Variants in HIPK1 observed in about 807,000 individuals in gnomAD.
The protein encoded by HIPK1 is homeodomain interacting protein kinase 1.
In HIPK1, 28 loss-of-function variants were observed where a neutral mutation model predicts 117.1. The ratio of observed to expected loss-of-function variants is 0.24; its 90% CI spans 0.18 to 0.33. HIPK1 has a LOEUF of 0.33. Ranked by LOEUF, HIPK1 falls within the 10% of genes least tolerant of loss-of-function variation. The probability of loss-of-function intolerance (pLI) is 1.00; values close to 1 mark genes in which losing one functional copy is unlikely to be tolerated. For missense variants in HIPK1, 1,122 were observed against 1,475.1 expected (o/e 0.76, Z 3.92); for synonymous variants, 605 against 562.5 (o/e 1.08, Z -1.07).
At position 113,929,353 on chromosome 1, in the gene HIPK1, G is replaced by A; in HGVS notation, c.-182G>A. On this transcript the variant is annotated 5_prime_UTR_variant, in exon 1 of 16. Coordinates refer to ENST00000426820, the MANE Select transcript of HIPK1 (RefSeq NM_198268.3). Reference sequence around the variant, plus strand: ...TTTTACAGTTGGATCCCGTACCACCGCCAGGCACCTTTAAATCACCGCAGA... The same window carrying A: ...TTTTACAGTTGGATCCCGTACCACCACCAGGCACCTTTAAATCACCGCAGA... 2 of 1,289,476 alleles carry A rather than the reference G, an allele frequency of 1.6e-6. No homozygotes were observed. Among genetic ancestry groups the A allele is most frequent in the Non-Finnish European group, 2.0e-6 (2 of 988,864 alleles). The allele number at this position is 1,289,476 out of a possible 1,614,324, so 79.9% of individuals were successfully genotyped here. A position where few individuals can be genotyped will look rare whatever the true frequency, so the allele number is the denominator to read the frequency against.
At chr1:113,951,321 T>G in intron 2 of HIPK1, 1 of 963,430 alleles carries the variant, frequency 1.0e-6, no homozygotes, top group Non-Finnish European at 1.2e-6. Flanking sequence ...TGAGAAACAG[T>G]GTAATATATA....
intron 2 of HIPK1, among the ~76,000 whole-genome samples, chr1:113,944,605 T>TC (rs1346975001): frequency 2.0e-5 from 3 of 151,484 alleles, no homozygotes; most frequent in Non-Finnish European, 2.9e-5. Flanking sequence ...TAGCTTGGCC[T>TC]CCTGAGTAGC....
rs921140744 is a variant in HIPK1 at position 113,977,027 on chromosome 1, C to G, written c.*3515C>G. On this transcript the variant is annotated 3_prime_UTR_variant, in exon 16 of 16. Coordinates refer to ENST00000426820, the MANE Select transcript of HIPK1 (RefSeq NM_198268.3). The stretch of plus-strand genomic sequence containing the variant: ...AGAACTCCATTTCAAACAGTTCTGG[C>G]CATTCTGAGCCTGCTTTTGTGATTG... The G allele has an allele frequency of 4.6e-5, 7 of 152,810 alleles. No individual in the cohort carries two copies. The East Asian group carries it at 1.3e-3, about 29-fold the overall frequency. The allele number at this position is 152,810 out of a possible 1,614,324, so 9.5% of individuals were successfully genotyped here.
At position 113,964,874 on chromosome 1, in the gene HIPK1, T is replaced by C. The variant is rs146524756; in HGVS notation, c.2239-1256T>C. On this transcript the variant is annotated intron_variant, in intron 10 of 15. Transcript: ENST00000426820. The stretch of plus-strand genomic sequence containing the variant: ...TTTGCTAAGCTTTGCATATTTTTGT[T>C]CTTCCTCTGTCAAAACAGTTCGTCG... Among the ~76,000 whole-genome samples, 389 of 152,344 alleles carry C rather than the reference T, an allele frequency of 2.6e-3. 1 individual carries two copies. Among genetic ancestry groups the C allele is most frequent in the African/African-American group, 8.7e-3 (362 of 41,576 alleles).
intron 2 of HIPK1, 68 bp from the exon 3 acceptor site, chr1:113,952,698 A>T: frequency 8.5e-7 from 1 of 1,169,872 alleles, no homozygotes; most frequent in Non-Finnish European, 1.1e-6. Flanking sequence ...AACAGGACTT[A>T]GTCATGTAGT....
At chr1:113,966,406 A>G in intron 11 of HIPK1, 134 bp downstream of exon 11, 2 of 729,284 alleles carry the variant, frequency 2.7e-6, no homozygotes, top group Non-Finnish European at 4.2e-6. Context: ...AAGAACCCAT[A>G]TCAGGCTAGG....
At position 113,929,529 on chromosome 1, in the gene HIPK1, C is replaced by T. The variant is rs1322777254; in HGVS notation, c.-6C>T. ...AGAGTCCATTCAGCTGCACTTCCGC[C>T]TCAGTAGGTGTCATGGCGCGGGGCG... On this transcript the variant is annotated 5_prime_UTR_variant, in exon 1 of 16. Coordinates refer to ENST00000426820, the MANE Select transcript of HIPK1 (RefSeq NM_198268.3). The T allele has an allele frequency of 7.8e-7, 1 of 1,288,584 alleles. No homozygotes were observed. The highest frequency in any genetic ancestry group is 1.0e-6 in the Non-Finnish European group (1 of 988,314). 79.8% of individuals were successfully genotyped at this position (1,288,584 alleles called of 1,614,324 possible). A position where few individuals can be genotyped will look rare whatever the true frequency, so the allele number is the denominator to read the frequency against.
At chr1:113,942,407 T>A (rs958649193) in intron 2 of HIPK1, among the ~76,000 whole-genome samples, 4 of 152,244 alleles carry the variant, frequency 2.6e-5, no homozygotes, top group African/African-American at 7.2e-5. Flanking sequence ...TACTTATTTG[T>A]AATGAATCTG....
At chr1:113,942,008 G>A (rs537589640) in intron 2 of HIPK1, among the ~76,000 whole-genome samples, 3 of 151,842 alleles carry the variant, frequency 2.0e-5, no homozygotes, top group Non-Finnish European at 2.9e-5. Context: ...TGATCCACCC[G>A]TCTCGGCCTC....
chr1:113,953,222 A>T (rs1009494700), intron 3 of HIPK1, among the ~76,000 whole-genome samples: 11 of 152,222 alleles, frequency 7.2e-5, no homozygotes, highest in African/African-American at 2.4e-4. Flanking sequence ...AGGAACTGGA[A>T]TTTTAAAAGA....
Position 113,976,510 on chromosome 1 carries a change from AG to A in HIPK1, c.*3000del, listed in dbSNP as rs1330431441. On this transcript the variant is annotated 3_prime_UTR_variant, in exon 16 of 16. Coordinates refer to ENST00000426820, the MANE Select transcript of HIPK1 (RefSeq NM_198268.3). The stretch of plus-strand genomic sequence containing the variant: ...CCAATAAGCAGATACCACTTAAGAT[AG>A]GAGTCTAAACTCCACAGAAAAGGAT... 2.6e-5 allele frequency: 4 copies of A among 152,826 alleles called. No homozygotes were observed. The highest frequency in any genetic ancestry group is 9.6e-5 in the African/African-American group (4 of 41,464). 9.5% of individuals were successfully genotyped at this position (152,826 alleles called of 1,614,324 possible). A position where few individuals can be genotyped will look rare whatever the true frequency, so the allele number is the denominator to read the frequency against.
intron 2 of HIPK1, among the ~76,000 whole-genome samples, chr1:113,950,630 G>A (rs1671293077): frequency 6.6e-6 from 1 of 152,170 alleles, no homozygotes; most frequent in Non-Finnish European, 1.5e-5. Context: ...CAGCCTCTGA[G>A]TAGTTGGGAT....
rs751286790 is a variant in HIPK1, at chr1:113,954,787, A to G, written c.1320+17A>G. On this transcript the variant is annotated intron_variant, in intron 4 of 15. Coordinates refer to ENST00000426820, the MANE Select transcript of HIPK1 (RefSeq NM_198268.3). ...AGGCTTAAGGTCTGTCTTCCCTACTATGCTTCCGACTCCTGTACTCCACCC... is the reference window on the plus strand; with the variant it reads ...AGGCTTAAGGTCTGTCTTCCCTACTGTGCTTCCGACTCCTGTACTCCACCC... 2.5e-6 allele frequency: 4 copies of G among 1,608,152 alleles called. No homozygotes were observed. The highest frequency in any genetic ancestry group is 2.2e-5 in the South Asian group (2 of 90,850).
At chr1:113,955,877 G>A (rs1671682858) in intron 5 of HIPK1, among the ~76,000 whole-genome samples, 1 of 152,032 alleles carries the variant, frequency 6.6e-6, no homozygotes, top group African/African-American at 2.4e-5. Context: ...TTACATAGCA[G>A]TGTTTTAAAA....
intron 9 of HIPK1, among the ~76,000 whole-genome samples, chr1:113,962,773 AT>A (rs1672211625): frequency 6.6e-6 from 1 of 152,130 alleles, no homozygotes; most frequent in African/African-American, 2.4e-5. Context: ...ATAAGTATAT[AT>A]GTAGCATTTT....
rs375328591 is a variant in HIPK1, at chr1:113,973,542, G to C, written c.*30G>C. 2 of 1,548,112 alleles carry C rather than the reference G, an allele frequency of 1.3e-6. No individual in the cohort carries two copies. Among genetic ancestry groups the C allele is most frequent in the African/African-American group, 2.7e-5 (2 of 73,278 alleles). On this transcript the variant is annotated 3_prime_UTR_variant, in exon 16 of 16. Coordinates refer to ENST00000426820, the MANE Select transcript of HIPK1 (RefSeq NM_198268.3). ...TGAGCATGAGGGAGGAGGAATCATG[G>C]CTACCTTCTCCTGGCCCTGCGTTCT...
intron 9 of HIPK1, among the ~76,000 whole-genome samples, chr1:113,963,157 TA>T (rs1421719250): frequency 1.3e-5 from 2 of 152,222 alleles, no homozygotes; most frequent in Admixed American, 6.5e-5. Flanking sequence ...CCCCTGAATC[TA>T]GCCCAAGGAG....
chr1:113,971,657 A>G (rs1672832304), intron 14 of HIPK1, among the ~76,000 whole-genome samples, 167 bp from the exon 15 acceptor site: 1 of 152,242 alleles, frequency 6.6e-6, no homozygotes, highest in South Asian at 2.1e-4. Flanking sequence ...GATTTGTGCC[A>G]AGACAGAAAA....
At chr1:113,942,666 A>T (rs1670727178) in intron 2 of HIPK1, among the ~76,000 whole-genome samples, 1 of 152,180 alleles carries the variant, frequency 6.6e-6, no homozygotes, top group Non-Finnish European at 1.5e-5. Context: ...TTCTAGATTG[A>T]TACTTTTAAT....
Sources: allele counts gnomAD v4.1 joint callset (sites outside exome capture counted in the v4.1 genomes callset), GRCh38; gene constraint gnomAD v4.1.1; transcripts MANE v1.5; gene names NCBI Gene and HGNC (gene_info 2026-07-23, HGNC 2026-07-21).